Variants in MMP26 observed in about 807,000 individuals in gnomAD.
The protein encoded by MMP26 is matrix metalloproteinase-26.
Under a neutral mutation model 31.0 loss-of-function variants are expected in MMP26, and 33 were observed. That is an observed-to-expected ratio of 1.06 (90% CI 0.81 to 1.42). MMP26 has a LOEUF of 1.42. Ranked by LOEUF, MMP26 falls within the 40% of genes most tolerant of loss-of-function variation. The pLI is 0.00. For synonymous variants in MMP26, 122 were observed against 114.9 expected (o/e 1.06, Z -0.40); for missense variants, 347 against 316.1 (o/e 1.10, Z -0.74).
intron 2 of MMP26, chr11:4,769,969 G>T: frequency 1.1e-6 from 1 of 874,540 alleles, no homozygotes; most frequent in Non-Finnish European, 1.9e-6. Flanking sequence ...TCCTATAGAA[G>T]TGATACATTA....
intron 1 of MMP26, among the ~76,000 whole-genome samples, chr11:4,727,302 A>G (rs554489038): frequency 1.3e-4 from 20 of 152,312 alleles, no homozygotes; most frequent in African/African-American, 4.6e-4. Flanking sequence ...CTTTCTTTCA[A>G]TCAGATGATT....
intron 2 of MMP26, among the ~76,000 whole-genome samples, chr11:4,899,507 T>A (rs975410582): frequency 2.0e-5 from 3 of 152,166 alleles, no homozygotes; most frequent in Non-Finnish European, 4.4e-5. Context: ...AGATCCTTTT[T>A]TCAAAGGGTA....
chr11:4,973,498 G>T (rs773794355), intron 2 of MMP26: 1 of 152,526 alleles, frequency 6.6e-6, no homozygotes, highest in African/African-American at 2.4e-5. Flanking sequence ...TCAGGGGGTT[G>T]CAGATGGCAA....
chr11:4,793,295 G>T (rs148580466), intron 2 of MMP26, among the ~76,000 whole-genome samples: 420 of 152,228 alleles, frequency 2.8e-3, no homozygotes, highest in African/African-American at 9.7e-3. Flanking sequence ...AAATCTCCTT[G>T]AGGAACACAG....
At chr11:4,907,409 C>G (rs1471072535) in intron 2 of MMP26, 2 of 1,613,878 alleles carry the variant, frequency 1.2e-6, no homozygotes, top group Admixed American at 3.3e-5. Flanking sequence ...GCTTTTCCTT[C>G]TGATTGGGAT....
In MMP26 at chr11:4,710,894, A is replaced by G. The variant is rs374162642; in HGVS notation, c.-217+5849A>G. On this transcript the variant is annotated intron_variant, in intron 1 of 7. Coordinates refer to ENST00000380390, the MANE Select transcript of MMP26 (RefSeq NM_021801.5). ...CAAAGTCTAGGTTTTAGTAATTCTT[A>G]CAGTTTATTTGTGATGATTCATTAT... 2.4e-4 allele frequency: 38 copies of G among 156,750 alleles called. No homozygotes were observed. In the East Asian group the frequency reaches 5.7e-3, roughly 24 times the overall value. The allele number at this position is 156,750 out of a possible 1,614,324, so 9.7% of individuals were successfully genotyped here. A position where few individuals can be genotyped will look rare whatever the true frequency, so the allele number is the denominator to read the frequency against.
At chr11:4,708,737 C>T (rs1331168366) in intron 1 of MMP26, among the ~76,000 whole-genome samples, 1 of 152,154 alleles carries the variant, frequency 6.6e-6, no homozygotes, top group Admixed American at 6.5e-5. Flanking sequence ...CTCCTTCCCC[C>T]AGCCAATCTA....
At chr11:4,730,168 T>C (rs1223352547) in intron 1 of MMP26, among the ~76,000 whole-genome samples, 1 of 152,166 alleles carries the variant, frequency 6.6e-6, no homozygotes, top group Admixed American at 6.6e-5. Flanking sequence ...TGCTTTAATA[T>C]TTCCTTTGCC....
chr11:4,795,843 G>GGGGA (rs1344747531), intron 2 of MMP26, among the ~76,000 whole-genome samples: 17 of 142,174 alleles, frequency 1.2e-4, no homozygotes, highest in Admixed American at 7.8e-4. Context: ...AGAGAGAGAG[G>GGGGA]GAGAGAGAGA....
chr11:4,977,692 T>C (rs1021845835), intron 2 of MMP26, among the ~76,000 whole-genome samples: 1 of 152,006 alleles, frequency 6.6e-6, no homozygotes, highest in African/African-American at 2.4e-5. Context: ...ATATAGGCCT[T>C]TTTTGTCCAT....
At chr11:4,889,943 TAGA>T (rs1462520852) in intron 2 of MMP26, 11 of 157,950 alleles carry the variant, frequency 7.0e-5, no homozygotes, top group East Asian at 1.8e-4. Flanking sequence ...AAAGAAACCA[TAGA>T]AGAAGTTGAC....
rs1214056530 is a variant in MMP26 at position 4,933,271 on chromosome 11, A to T, written c.-144-54797A>T. Reference sequence around the variant, plus strand: ...TTCACTCATTTATTTATTCAAAATTATCTGTGTTCATACTATGGGCTACTC... The same window carrying T: ...TTCACTCATTTATTTATTCAAAATTTTCTGTGTTCATACTATGGGCTACTC... On this transcript the variant is annotated intron_variant, in intron 2 of 7. Transcript: ENST00000380390. 3.3e-5 allele frequency among the ~76,000 whole-genome samples: 5 copies of T among 152,100 alleles called. No homozygotes were observed. The East Asian group carries it at 9.6e-4, about 29-fold the overall frequency.
chr11:4,891,457 C>T (rs1323364642), intron 2 of MMP26, among the ~76,000 whole-genome samples: 1 of 152,128 alleles, frequency 6.6e-6, no homozygotes, highest in Non-Finnish European at 1.5e-5. Flanking sequence ...GACCTAAACA[C>T]CTCCCACCAA....
chr11:4,767,623 T>A (rs531614108), intron 2 of MMP26, among the ~76,000 whole-genome samples: 97 of 152,322 alleles, frequency 6.4e-4, no homozygotes, highest in Middle Eastern at 6.8e-3. Context: ...TTTAAAAGAA[T>A]TTTTACCAGT....
At chr11:4,777,376 C>G (rs1848803306) in intron 2 of MMP26, among the ~76,000 whole-genome samples, 1 of 151,978 alleles carries the variant, frequency 6.6e-6, no homozygotes, top group African/African-American at 2.4e-5. Context: ...AAAATATTTT[C>G]CCAAGTAGAC....
chr11:4,799,371 G>C (rs191939351), intron 2 of MMP26, among the ~76,000 whole-genome samples: 2 of 152,002 alleles, frequency 1.3e-5, no homozygotes, highest in Non-Finnish European at 2.9e-5. Flanking sequence ...AGAGAGAAGG[G>C]GGGGGTCTCA....
At chr11:4,891,118 C>G (rs1850615029) in intron 2 of MMP26, among the ~76,000 whole-genome samples, 1 of 151,852 alleles carries the variant, frequency 6.6e-6, no homozygotes, top group Non-Finnish European at 1.5e-5. Flanking sequence ...TCATTTGTTG[C>G]AAACATTTGT....
intron 2 of MMP26, among the ~76,000 whole-genome samples, chr11:4,922,521 T>C (rs183010064): frequency 4.5e-4 from 68 of 152,320 alleles, no homozygotes; most frequent in African/African-American, 1.6e-3. Flanking sequence ...CAGATTTATA[T>C]GCCAAGGAAT....
intron 1 of MMP26, among the ~76,000 whole-genome samples, chr11:4,747,602 ATT>A (rs1296864664): frequency 6.6e-6 from 1 of 152,128 alleles, no homozygotes; most frequent in Non-Finnish European, 1.5e-5. Flanking sequence ...TTAATATTTC[ATT>A]AAAAACCTTT....
Sources: allele counts gnomAD v4.1 joint callset (sites outside exome capture counted in the v4.1 genomes callset), GRCh38; gene constraint gnomAD v4.1.1; transcripts MANE v1.5; gene names NCBI Gene and HGNC (gene_info 2026-07-23, HGNC 2026-07-21).